The following GRK5 variants were observed in gnomAD, a reference collection of about 807,000 sequenced individuals.
GRK5 encodes G protein-coupled receptor kinase 5, also known as g protein-coupled receptor kinase GRK5.
Under a neutral mutation model 78.4 loss-of-function variants are expected in GRK5, and 40 were observed. That is an observed-to-expected ratio of 0.51 (90% confidence interval 0.40 to 0.66). The LOEUF is 0.66. Ranked by LOEUF, GRK5 falls within the 30% of genes least tolerant of loss-of-function variation. GRK5 has a pLI of 0.00. For missense variants in GRK5, 598 were observed against 759.9 expected, an observed-to-expected ratio of 0.79 and a Z score of 2.50; for synonymous variants, 289 against 296.8, an observed-to-expected ratio of 0.97 and a Z score of 0.27.
intron 4 of GRK5, among the ~76,000 whole-genome samples, chr10:119,417,817 G>T (rs563819896): frequency 6.6e-6 from 1 of 152,304 alleles, no homozygotes; most frequent in South Asian, 2.1e-4. Flanking sequence ...CATCCGTTTC[G>T]GTGGGGGGTC....
Position 119,403,614 on chromosome 10 carries a change from G to A in GRK5, c.339+6842G>A, listed in dbSNP as rs142216242. ...TCTGCTCATCATTTGATGGACACTTGTGTTATTTCTACCTTTTTGTTGTTG... is the reference window on the plus strand; with the variant it reads ...TCTGCTCATCATTTGATGGACACTTATGTTATTTCTACCTTTTTGTTGTTG... On this transcript the variant is annotated intron_variant, in intron 4 of 15. Coordinates refer to ENST00000392870, the MANE Select transcript of GRK5 (RefSeq NM_005308.3). Among the ~76,000 whole-genome samples the A allele has an allele frequency of 1.4e-3, 214 of 152,150 alleles. 1 individual carries two copies. Among genetic ancestry groups the A allele is most frequent in the Non-Finnish European group, 2.7e-3 (181 of 68,008 alleles).
chr10:119,304,056 T>G (rs1363496558), intron 1 of GRK5, among the ~76,000 whole-genome samples: 1 of 152,044 alleles, frequency 6.6e-6, no homozygotes, highest in Non-Finnish European at 1.5e-5. Flanking sequence ...GCGGAGGGTG[T>G]GGTGTTACCT....
intron 1 of GRK5, among the ~76,000 whole-genome samples, chr10:119,300,661 C>G (rs991768927): frequency 6.6e-6 from 1 of 152,206 alleles, no homozygotes; most frequent in African/African-American, 2.4e-5. Flanking sequence ...ATCTCACCTG[C>G]CTTTCATTTC....
At chr10:119,315,678 G>A (rs1190437959) in intron 1 of GRK5, among the ~76,000 whole-genome samples, 1 of 152,216 alleles carries the variant, frequency 6.6e-6, no homozygotes, top group Non-Finnish European at 1.5e-5. Context: ...AAAAGAACTG[G>A]ATGGAGTCTT....
At chr10:119,318,930 C>A (rs1415407833) in intron 1 of GRK5, among the ~76,000 whole-genome samples, 1 of 152,138 alleles carries the variant, frequency 6.6e-6, no homozygotes, top group African/African-American at 2.4e-5. Context: ...CGTTATTCTT[C>A]CCTGGGTTAG....
rs554366432 is a variant in GRK5, at chr10:119,397,432, C to T, written c.339+660C>T. On this transcript the variant is annotated intron_variant, in intron 4 of 15. Transcript: ENST00000392870. ...GTGTCAGTGGTTCTGCCCACTTGGT[C>T]AAGCCACATTCCCTCCCTGGGCCTC... 3.5e-4 allele frequency among the ~76,000 whole-genome samples: 54 copies of T among 152,304 alleles called. No individual in the cohort carries two copies. In the South Asian group the frequency reaches 0.011, roughly 30 times the overall value.
chr10:119,393,995 GTGTC>G (rs999318098), intron 3 of GRK5, among the ~76,000 whole-genome samples: 2 of 149,284 alleles, frequency 1.3e-5, no homozygotes, highest in African/African-American at 2.5e-5. Flanking sequence ...ATGTGTGTGT[GTGTC>G]TGGGTCTGGG....
At chr10:119,232,230 G>C (rs1231028715) in intron 1 of GRK5, among the ~76,000 whole-genome samples, 1 of 152,172 alleles carries the variant, frequency 6.6e-6, no homozygotes, top group Non-Finnish European at 1.5e-5. Context: ...ACCAGGCACA[G>C]AAAGTTAAAT....
chr10:119,369,946 C>G (rs1473113119), intron 2 of GRK5, among the ~76,000 whole-genome samples: 3 of 152,218 alleles, frequency 2.0e-5, no homozygotes, highest in Non-Finnish European at 4.4e-5. Flanking sequence ...CCCATTCCCA[C>G]TGCAAGGAGA....
At chr10:119,380,387 T>C (rs970995546) in intron 2 of GRK5, among the ~76,000 whole-genome samples, 17 of 152,230 alleles carry the variant, frequency 1.1e-4, no homozygotes, top group Admixed American at 1.1e-3. Context: ...CACCATGACC[T>C]CCAGAGGAAG....
At chr10:119,384,626 T>C (rs1851763101) in intron 3 of GRK5, among the ~76,000 whole-genome samples, 1 of 152,204 alleles carries the variant, frequency 6.6e-6, no homozygotes, top group Admixed American at 6.5e-5. Flanking sequence ...AGCCAGAGCC[T>C]CTTTGTGGCA....
chr10:119,336,760 T>C lies in GRK5; in HGVS notation c.148+10149T>C, dbSNP rs1850894951. Among the ~76,000 whole-genome samples the C allele has an allele frequency of 6.6e-6, 1 of 152,210 alleles. No individual in the cohort carries two copies. The highest frequency in any genetic ancestry group is 6.5e-5 in the Admixed American group (1 of 15,288). On this transcript the variant is annotated intron_variant, in intron 2 of 15. Coordinates refer to ENST00000392870, the MANE Select transcript of GRK5 (RefSeq NM_005308.3). This position sits in a 1 kb window ranked among gnomAD's most constrained non-coding sequence, Gnocchi z 4.5. ...TGGGGTGATAAGGGCGCGTCATGTC[T>C]GTCGTTCTGCCACCTAGCCGTGCTG... is the stretch of plus-strand genomic sequence containing the variant.
chr10:119,268,608 T>G (rs1222845657), intron 1 of GRK5, among the ~76,000 whole-genome samples: 2 of 152,256 alleles, frequency 1.3e-5, no homozygotes, highest in Non-Finnish European at 2.9e-5. Flanking sequence ...TGTTTTCATC[T>G]GTAAAATGGG....
chr10:119,261,775 T>C (rs1183183350), intron 1 of GRK5, among the ~76,000 whole-genome samples: 1 of 152,202 alleles, frequency 6.6e-6, no homozygotes, highest in Non-Finnish European at 1.5e-5. Context: ...GGCGCGCGCC[T>C]GCAATTGCAG....
At chr10:119,294,640 TAAG>T (rs1275300931) in intron 1 of GRK5, among the ~76,000 whole-genome samples, 3 of 152,098 alleles carry the variant, frequency 2.0e-5, no homozygotes, top group Non-Finnish European at 4.4e-5. Flanking sequence ...TTCGCAGGGC[TAAG>T]GAGGAGGGAG....
Position 119,379,655 on chromosome 10 carries a change from C to A in GRK5, c.149-1160C>A, listed in dbSNP as rs976266844. ...ACTCATCCGACTGTGTCCCGTGCAGCTGCAACATCGATGGCCTAGTGTTCC... is the reference window on the plus strand; with the variant it reads ...ACTCATCCGACTGTGTCCCGTGCAGATGCAACATCGATGGCCTAGTGTTCC... On this transcript the variant is annotated intron_variant, in intron 2 of 15. Transcript: ENST00000392870. The surrounding 1 kb of genome is among the most constrained non-coding windows in gnomAD (Gnocchi z 4.1). 4.6e-5 allele frequency among the ~76,000 whole-genome samples: 7 copies of A among 152,178 alleles called. No individual in the cohort carries two copies. The highest frequency in any genetic ancestry group is 3.9e-4 in the Admixed American group (6 of 15,274).
At chr10:119,391,940 A>G (rs1175659018) in intron 3 of GRK5, among the ~76,000 whole-genome samples, 1 of 152,232 alleles carries the variant, frequency 6.6e-6, no homozygotes, top group East Asian at 1.9e-4. Context: ...GGGCAGAAGA[A>G]GGTCTCCTGG....
intron 1 of GRK5, among the ~76,000 whole-genome samples, chr10:119,316,271 G>A (rs1045338012): frequency 6.6e-6 from 1 of 152,202 alleles, no homozygotes; most frequent in African/African-American, 2.4e-5. Flanking sequence ...ATGTGGCCTG[G>A]AGAGAAAAGA....
chr10:119,322,697 C>T (rs1466391319), intron 1 of GRK5, among the ~76,000 whole-genome samples: 1 of 152,200 alleles, frequency 6.6e-6, no homozygotes, highest in Non-Finnish European at 1.5e-5. Context: ...GGTCCAATCA[C>T]AGAGGATTGG....
Sources: gnomAD v4.1 joint callset for allele counts (sites outside exome capture counted in the v4.1 genomes callset) on GRCh38, gnomAD v4.1.1 for gene constraint, Gnocchi (gnomAD v3.1) non-coding constraint, MANE v1.5 for transcripts, NCBI Gene and HGNC (gene_info 2026-07-23, HGNC 2026-07-21) for gene names.